The following ACSM2B variants were observed in gnomAD, a reference collection of about 807,000 sequenced individuals.
The protein encoded by ACSM2B is acyl-CoA synthetase medium chain family member 2B, also known as acyl-coenzyme A synthetase ACSM2B, mitochondrial.
In ACSM2B, 58 loss-of-function variants were observed where a neutral mutation model predicts 78.6. That is an observed-to-expected ratio of 0.74 (90% CI 0.60 to 0.92). The LOEUF (loss-of-function observed/expected upper bound fraction) is 0.92. Among genes scored for constraint, ACSM2B ranks in the 40% least tolerant of loss-of-function variants. The pLI, the probability that ACSM2B is intolerant of heterozygous loss-of-function variation, is 0.00. For missense variants in ACSM2B, 688 were observed against 711.2 expected (o/e 0.97, Z 0.37); for synonymous variants, 257 against 256.8 (o/e 1.00, Z -0.01).
intron 4 of ACSM2B, among the ~76,000 whole-genome samples, chr16:20,555,052 G>A (rs112542029): frequency 7.9e-4 from 120 of 152,108 alleles, no homozygotes; most frequent in African/African-American, 2.7e-3. Flanking sequence ...GGCATTCTAT[G>A]TGCTGCTCAG....
intron 2 of ACSM2B, among the ~76,000 whole-genome samples, chr16:20,563,007 C>G (rs565138886): frequency 8.5e-5 from 13 of 152,222 alleles, no homozygotes; most frequent in East Asian, 1.9e-4. Context: ...CCATTCCCAA[C>G]CAATCAGTAG....
intron 2 of ACSM2B, among the ~76,000 whole-genome samples, chr16:20,564,305 G>T (rs199864254): frequency 0.092 from 13,946 of 150,866 alleles, 561 homozygotes; most frequent in African/African-American, 0.24. Context: ...TCGCTGTGTT[G>T]CCCAGGCTTG....
In ACSM2B at chr16:20,546,433, T is replaced by G. The variant is rs552514418; in HGVS notation, c.1140A>C (p.Pro380=). Residue 380 remains proline, a synonymous_variant, in exon 9 of 14, where the codon CCA becomes CCC. Coordinates refer to ENST00000329697, the MANE Select transcript of ACSM2B (RefSeq NM_001105069.2). The stretch of plus-strand genomic sequence containing the variant: ...AGGAAGCAGCCGTTCCCATGTATCC[T>G]GGTTTGATTTTCATTGTCTTGGAAA... The part of the protein sequence containing the change: ...CMVSKTMKIK[P]GYMGTAASCY... 1.9e-6 allele frequency: 3 copies of G among 1,609,928 alleles called. No individual in the cohort carries two copies. In the South Asian group the frequency reaches 3.3e-5, roughly 18 times the overall value.
At chr16:20,544,814 G>A (rs1020025405) in intron 10 of ACSM2B, 1 of 1,005,776 alleles carries the variant, frequency 9.9e-7, no homozygotes, top group Non-Finnish European at 1.2e-6. Flanking sequence ...TAGATCATGG[G>A]GATGATACCT....
chr16:20,568,386 C>G (rs1273577777), intron 1 of ACSM2B, among the ~76,000 whole-genome samples: 4 of 143,160 alleles, frequency 2.8e-5, no homozygotes, highest in Non-Finnish European at 6.1e-5. Context: ...TTTATATAAA[C>G]TATACTACTA....
intron 1 of ACSM2B, among the ~76,000 whole-genome samples, chr16:20,566,676 C>T (rs59908095): frequency 0.014 from 77 of 5,576 alleles, 2 homozygotes; most frequent in African/African-American, 0.03. Flanking sequence ...ATAGTATATA[C>T]ATATAGTATA....
intron 3 of ACSM2B, among the ~76,000 whole-genome samples, chr16:20,556,316 T>C (rs1259752813): frequency 6.6e-6 from 1 of 152,230 alleles, no homozygotes; most frequent in Admixed American, 6.5e-5. Flanking sequence ...ATAACTAGAC[T>C]TAGGGCCAGG....
chr16:20,537,458 C>T (rs776258017), intron 13 of ACSM2B, 96 bp from the exon 14 acceptor site: 76 of 1,411,790 alleles, frequency 5.4e-5, no homozygotes, highest in Non-Finnish European at 7.3e-5. Context: ...GTTCTTCAGG[C>T]TGGAGCCACT....
chr16:20,550,500 TGGTGG>T (rs1567209449), intron 6 of ACSM2B, among the ~76,000 whole-genome samples: 22 of 152,168 alleles, frequency 1.4e-4, no homozygotes, highest in Non-Finnish European at 2.6e-4. Context: ...ATTTTTTTAA[TGGTGG>T]AACTTATTAA....
Position 20,555,308 on chromosome 16 carries a change from T to A in ACSM2B, c.557A>T (p.Lys186Ile), listed in dbSNP as rs756925225. The change falls in exon 4 of 14, where the codon AAA becomes ATA. Residue 186 changes from lysine to isoleucine, a missense_variant. By Grantham distance (102) the Lys-to-Ile change is moderately radical. Coordinates refer to ENST00000329697, the MANE Select transcript of ACSM2B (RefSeq NM_001105069.2). ...SLRIKLLVSE[K>I]SCDGWLNFKK... is the part of the protein sequence containing the mutation. ...GAAGTTCAGCCACCCATCGCAGCTTTTCTCAGACACCAGTAGCTTAATTCT... is the reference window on the plus strand; with the variant it reads ...GAAGTTCAGCCACCCATCGCAGCTTATCTCAGACACCAGTAGCTTAATTCT... 2.2e-5 allele frequency: 36 copies of A among 1,613,808 alleles called. No homozygotes were observed. The highest frequency in any genetic ancestry group is 3.1e-5 in the Non-Finnish European group (36 of 1,179,864).
intron 13 of ACSM2B, among the ~76,000 whole-genome samples, chr16:20,540,224 GTT>G (rs67241828): frequency 0.016 from 1,234 of 77,418 alleles, 21 homozygotes; most frequent in African/African-American, 0.035. Context: ...TTTTTTTTTT[GTT>G]TTTTTTTTTT....
At chr16:20,562,569 G>T (rs1489777853) in intron 2 of ACSM2B, among the ~76,000 whole-genome samples, 2 of 152,224 alleles carry the variant, frequency 1.3e-5, no homozygotes, top group South Asian at 2.1e-4. Context: ...TAACTTTAAA[G>T]CAAGGATGAC....
In ACSM2B at chr16:20,570,215, T is replaced by C. The variant is rs143032602; in HGVS notation, c.-8-5362A>G. On this transcript the variant is annotated intron_variant, in intron 1 of 13. Coordinates refer to ENST00000329697, the MANE Select transcript of ACSM2B (RefSeq NM_001105069.2). ...GTGGGTTTGTCATAGATGGCTTTTA[T>C]TACATTAAGGTATATCCATGGTATG... 4.9e-3 allele frequency among the ~76,000 whole-genome samples: 750 copies of C among 152,078 alleles called. 11 individuals are homozygous for C. The highest frequency in any genetic ancestry group is 0.033 in the South Asian group (158 of 4,822).
At position 20,546,477 on chromosome 16, in the gene ACSM2B, G is replaced by A. The variant is rs1408256833; in HGVS notation, c.1099-3C>T. The A allele has an allele frequency of 6.3e-7, 1 of 1,595,898 alleles. No homozygotes were observed. Among genetic ancestry groups the A allele is most frequent in the African/African-American group, 1.4e-5 (1 of 73,946 alleles). On this transcript the variant is annotated splice_region_variant and splice_polypyrimidine_tract_variant and intron_variant, in intron 8 of 13. Transcript: ENST00000329697. ...TTGGAAACCATGCAAGTTAATCCCTGTGGAAAGAAGCAGACAGATCAGCAA... is the reference window on the plus strand; with the variant it reads ...TTGGAAACCATGCAAGTTAATCCCTATGGAAAGAAGCAGACAGATCAGCAA...
chr16:20,559,106 T>G, intron 3 of ACSM2B, 131 bp downstream of exon 3: 3 of 1,442,562 alleles, frequency 2.1e-6, no homozygotes, highest in Non-Finnish European at 2.7e-6. Flanking sequence ...CAGGGAGAAG[T>G]CTTTCTTCAT....
At chr16:20,569,586 A>AT (rs1484287864) in intron 1 of ACSM2B, among the ~76,000 whole-genome samples, 5 of 150,926 alleles carry the variant, frequency 3.3e-5, no homozygotes, top group Middle Eastern at 3.4e-3. Context: ...GAATTTTAGG[A>AT]TTTTTTTCTC....
chr16:20,574,435 T>C (rs369986890), intron 1 of ACSM2B: 2 of 147,216 alleles, frequency 1.4e-5, no homozygotes, highest in Admixed American at 1.4e-4. Flanking sequence ...AAAGTAAAGA[T>C]AGGCATAAGA....
intron 12 of ACSM2B, chr16:20,541,802 C>A (rs1247186006): frequency 6.6e-6 from 1 of 152,052 alleles, no homozygotes; most frequent in Non-Finnish European, 1.5e-5. Context: ...CCTGCCGCAG[C>A]CTCTTGAGTA....
intron 12 of ACSM2B, chr16:20,541,314 G>T (rs148000735): frequency 0.053 from 8,125 of 153,104 alleles, 300 homozygotes; most frequent in East Asian, 0.18. Context: ...AGGTATGATA[G>T]TGCCAGGCTT....
Sources: allele counts gnomAD v4.1 joint callset (sites outside exome capture counted in the v4.1 genomes callset), GRCh38; gene constraint gnomAD v4.1.1; transcripts MANE v1.5; gene names NCBI Gene and HGNC (gene_info 2026-07-23, HGNC 2026-07-21).